MSR1: variants seen among roughly 807,000 people sequenced by gnomAD.
The protein encoded by MSR1 is macrophage scavenger receptor 1.
In MSR1, 53 loss-of-function variants were observed where a neutral mutation model predicts 47.2. That is an observed-to-expected ratio of 1.12 (90% confidence interval 0.90 to 1.41). The LOEUF (loss-of-function observed/expected upper bound fraction) is 1.41. Among genes scored for constraint, MSR1 ranks in the 40% most tolerant of loss-of-function variants. MSR1 has a pLI of 0.00. For missense variants in MSR1, 786 were observed against 546.9 expected (o/e 1.44, Z -4.36); for synonymous variants, 239 against 185.6 (o/e 1.29, Z -2.34).
At chr8:16,139,376 T>C (rs1330753666) in intron 8 of MSR1, 7 of 937,700 alleles carry the variant, frequency 7.5e-6, no homozygotes, top group East Asian at 2.3e-4. Context: ...AATATCTTAC[T>C]TGATCCTCAC....
intron 5 of MSR1, among the ~76,000 whole-genome samples, chr8:16,161,490 T>C (rs142028028): frequency 2.1e-3 from 316 of 152,114 alleles, no homozygotes; most frequent in African/African-American, 6.5e-3. Flanking sequence ...TTGTGATAAA[T>C]ACTATATATG....
intron 8 of MSR1, among the ~76,000 whole-genome samples, chr8:16,132,924 A>G (rs999328046): frequency 6.6e-6 from 1 of 152,088 alleles, no homozygotes; most frequent in Non-Finnish European, 1.5e-5. Context: ...GATGGCTCTT[A>G]TTATTTTGAG....
chr8:16,179,613 C>T (rs919806646), intron 1 of MSR1, among the ~76,000 whole-genome samples: 2 of 152,120 alleles, frequency 1.3e-5, no homozygotes, highest in African/African-American at 4.8e-5. Context: ...GGCACAGTGG[C>T]TCACGCCTGT....
intron 8 of MSR1, among the ~76,000 whole-genome samples, chr8:16,132,006 T>C (rs1290779560): frequency 6.6e-6 from 1 of 152,068 alleles, no homozygotes; most frequent in African/African-American, 2.4e-5. Context: ...GGGTTTTTTT[T>C]TTTTCTAATT....
chr8:16,180,239 G>A (rs1801789105), intron 1 of MSR1, among the ~76,000 whole-genome samples: 1 of 151,540 alleles, frequency 6.6e-6, no homozygotes, highest in African/African-American at 2.4e-5. Flanking sequence ...ATATAAATAT[G>A]TCCTTGTACC....
At chr8:16,149,919 T>A (rs1208843300) in intron 7 of MSR1, among the ~76,000 whole-genome samples, 2 of 151,724 alleles carry the variant, frequency 1.3e-5, no homozygotes, top group Non-Finnish European at 2.9e-5. Context: ...AGTTTATAAC[T>A]CCTGTGTGTT....
At chr8:16,125,139 G>C (rs1466376526) in intron 8 of MSR1, among the ~76,000 whole-genome samples, 1 of 152,140 alleles carries the variant, frequency 6.6e-6, no homozygotes, top group Non-Finnish European at 1.5e-5. Context: ...ATCTGATCTT[G>C]TCAGCTCAGT....
intron 8 of MSR1, among the ~76,000 whole-genome samples, chr8:16,127,625 G>A (rs1041748643): frequency 1.3e-5 from 2 of 151,496 alleles, no homozygotes; most frequent in African/African-American, 4.9e-5. Flanking sequence ...TTCTTTCTTA[G>A]CCATGGCTAG....
rs2117041800 is a variant in MSR1, at chr8:16,110,105, C to T, written c.1336G>A (p.Gly446Arg). The T allele has an allele frequency of 3.1e-6, 5 of 1,613,590 alleles. No individual in the cohort carries two copies. The highest frequency in any genetic ancestry group is 1.7e-4 in the Middle Eastern group (1 of 6,058). ...ATGCATTATAAAGTGCAAGTGACTCCAGCATCTTCAGAATGTGAACAGGCT... is the reference window on the plus strand; with the variant it reads ...ATGCATTATAAAGTGCAAGTGACTCTAGCATCTTCAGAATGTGAACAGGCT... ...TRACSHSEDA[G>R]VTCTL The change falls in exon 10 of 10, where the codon GGA becomes AGA. Residue 446 changes from glycine to arginine, a missense_variant. Transcript: ENST00000262101.
chr8:16,127,610 C>T (rs769388275), intron 8 of MSR1, among the ~76,000 whole-genome samples: 7 of 152,012 alleles, frequency 4.6e-5, no homozygotes, highest in African/African-American at 1.2e-4. Context: ...GGAAAAAATG[C>T]GGCATTCTTT....
intron 5 of MSR1, 63 bp downstream of exon 5, chr8:16,164,002 C>G: frequency 7.9e-7 from 1 of 1,268,222 alleles, no homozygotes; most frequent in Non-Finnish European, 1.1e-6. Flanking sequence ...TATCAAATCT[C>G]TGCATGTATC....
intron 8 of MSR1, among the ~76,000 whole-genome samples, chr8:16,138,158 G>C (rs1160127134): frequency 6.6e-6 from 1 of 152,100 alleles, no homozygotes; most frequent in Admixed American, 6.5e-5. Flanking sequence ...TTGAGTTTTA[G>C]ATAGGATACT....
At chr8:16,133,926 T>C (rs888500668) in intron 8 of MSR1, among the ~76,000 whole-genome samples, 2 of 152,214 alleles carry the variant, frequency 1.3e-5, no homozygotes, top group Admixed American at 6.5e-5. Context: ...CCAGTTGAGA[T>C]GTCTGTGGTG....
chr8:16,133,119 C>T (rs558764273), intron 8 of MSR1, among the ~76,000 whole-genome samples: 3 of 151,988 alleles, frequency 2.0e-5, no homozygotes, highest in Non-Finnish European at 4.4e-5. Context: ...GAGATTAAAA[C>T]AGTTTGTGGA....
At chr8:16,157,758 C>T (rs577134080) in intron 5 of MSR1, among the ~76,000 whole-genome samples, 1 of 151,996 alleles carries the variant, frequency 6.6e-6, no homozygotes, top group Admixed American at 6.6e-5. Context: ...CTCTCCATTC[C>T]CATTGTAGCT....
chr8:16,132,435 C>T (rs951931430), intron 8 of MSR1, among the ~76,000 whole-genome samples: 1 of 152,022 alleles, frequency 6.6e-6, no homozygotes, highest in Non-Finnish European at 1.5e-5. Flanking sequence ...TGTCTGCAAA[C>T]AGATAGTTTG....
At chr8:16,146,711 C>T (rs540563756) in intron 7 of MSR1, among the ~76,000 whole-genome samples, 1 of 152,264 alleles carries the variant, frequency 6.6e-6, no homozygotes, top group African/African-American at 2.4e-5. Context: ...TTGTTCATCT[C>T]AGCCTGTACT....
intron 2 of MSR1, among the ~76,000 whole-genome samples, chr8:16,176,919 T>A (rs763258760): frequency 3.3e-5 from 5 of 152,220 alleles, no homozygotes; most frequent in Admixed American, 2.6e-4. Flanking sequence ...AGAACTCATA[T>A]ATGAGGCTTT....
At chr8:16,191,001 G>T (rs1262155402) in intron 1 of MSR1, among the ~76,000 whole-genome samples, 1 of 152,104 alleles carries the variant, frequency 6.6e-6, no homozygotes, top group East Asian at 1.9e-4. Context: ...GATTACAGGC[G>T]TGAGCCACCG....
Sources: allele counts gnomAD v4.1 joint callset (sites outside exome capture counted in the v4.1 genomes callset), GRCh38; gene constraint gnomAD v4.1.1; transcripts MANE v1.5; gene names NCBI Gene and HGNC (gene_info 2026-07-23, HGNC 2026-07-21).